The following EYS variants were observed in gnomAD, a reference collection of about 807,000 sequenced individuals.
The protein encoded by EYS is EGF-like photoreceptor maintenance factor.
In EYS, 250 loss-of-function variants were observed where a neutral mutation model predicts 282.1. That is an observed-to-expected ratio of 0.89 (90% CI 0.80 to 0.98). The LOEUF (loss-of-function observed/expected upper bound fraction) is 0.98. Ranked by LOEUF, EYS falls within the 50% of genes least tolerant of loss-of-function variation. The pLI, the probability that EYS is intolerant of heterozygous loss-of-function variation, is 0.00. For missense variants in EYS, 4,016 were observed against 3,709.0 expected, an observed-to-expected ratio of 1.08 and a Z score of -2.15; for synonymous variants, 1,355 against 1,282.9, an observed-to-expected ratio of 1.06 and a Z score of -1.20.
intron 22 of EYS, among the ~76,000 whole-genome samples, chr6:64,681,997 A>G (rs148770952): frequency 1.1e-3 from 164 of 152,308 alleles, no homozygotes; most frequent in African/African-American, 3.8e-3. Context: ...GGAACGTGAA[A>G]TGATAGAACA....
intron 2 of EYS, among the ~76,000 whole-genome samples, chr6:65,539,210 T>C (rs746007437): frequency 4.6e-5 from 7 of 152,236 alleles, no homozygotes; most frequent in African/African-American, 9.6e-5. Context: ...GGAGATTCAA[T>C]AATTTCCAAA....
chr6:63,729,118 A>G (rs1206027765), intron 41 of EYS, among the ~76,000 whole-genome samples: 1 of 152,146 alleles, frequency 6.6e-6, no homozygotes, highest in Non-Finnish European at 1.5e-5. Flanking sequence ...CCATCTGAAT[A>G]TCTTCTGTAG....
chr6:64,319,209 A>G (rs1770103602), intron 29 of EYS, among the ~76,000 whole-genome samples: 1 of 152,008 alleles, frequency 6.6e-6, no homozygotes, highest in Non-Finnish European at 1.5e-5. Context: ...TTTGGAATCA[A>G]TTAAGAAATA....
intron 22 of EYS, among the ~76,000 whole-genome samples, chr6:64,627,924 C>CA (rs976886095): frequency 7.2e-5 from 11 of 152,138 alleles, no homozygotes; most frequent in African/African-American, 2.6e-4. Flanking sequence ...CTAAAAAATA[C>CA]AAAAAATTAG....
chr6:64,066,250 A>G, intron 33 of EYS, 88 bp downstream of exon 33: 2 of 1,191,918 alleles, frequency 1.7e-6, no homozygotes, highest in Non-Finnish European at 2.4e-6. Context: ...TGCGCTCCAG[A>G]CTGGGTGACA....
chr6:64,459,056 C>G (rs1775658502), intron 26 of EYS, among the ~76,000 whole-genome samples: 1 of 152,140 alleles, frequency 6.6e-6, no homozygotes, highest in African/African-American at 2.4e-5. Flanking sequence ...AAACACTGCT[C>G]CACTTACCAG....
At chr6:63,937,043 A>C (rs1248789742) in intron 35 of EYS, among the ~76,000 whole-genome samples, 1 of 152,228 alleles carries the variant, frequency 6.6e-6, no homozygotes, top group Non-Finnish European at 1.5e-5. Flanking sequence ...TAGGAGAGAG[A>C]AACTCAATCC....
chr6:64,291,661 C>T (rs934517906), intron 30 of EYS, among the ~76,000 whole-genome samples: 1 of 152,034 alleles, frequency 6.6e-6, no homozygotes, highest in Non-Finnish European at 1.5e-5. Context: ...ATAAATCCAA[C>T]ATATAACAAA....
At chr6:64,905,536 C>T (rs1046840735) in intron 16 of EYS, among the ~76,000 whole-genome samples, 3 of 152,160 alleles carry the variant, frequency 2.0e-5, no homozygotes, top group South Asian at 2.1e-4. Flanking sequence ...AACAAATACA[C>T]ACGAATGGTC....
At chr6:64,525,773 T>A (rs890035957) in intron 26 of EYS, among the ~76,000 whole-genome samples, 6 of 151,860 alleles carry the variant, frequency 4.0e-5, no homozygotes, top group African/African-American at 1.4e-4. Flanking sequence ...CTGGTAGGCA[T>A]GTAAACAGGT....
At chr6:63,830,228 T>G (rs1273388617) in intron 36 of EYS, among the ~76,000 whole-genome samples, 1 of 152,174 alleles carries the variant, frequency 6.6e-6, no homozygotes, top group Non-Finnish European at 1.5e-5. Context: ...TTTGACAAGT[T>G]GAGAGAAGAA....
At chr6:65,680,681 T>A (rs1768782328) in intron 1 of EYS, among the ~76,000 whole-genome samples, 4 of 151,964 alleles carry the variant, frequency 2.6e-5, no homozygotes, top group African/African-American at 9.7e-5. Flanking sequence ...ATATGCTGAG[T>A]TCAATTTCAG....
In EYS at chr6:64,110,180, T is replaced by A. The variant is rs539848445; in HGVS notation, c.6425-28178A>T. Among the ~76,000 whole-genome samples, 323 of 152,060 alleles carry A rather than the reference T, an allele frequency of 2.1e-3. 2 individuals are homozygous for A. Among genetic ancestry groups the A allele is most frequent in the African/African-American group, 6.0e-3 (249 of 41,492 alleles). On this transcript the variant is annotated intron_variant, in intron 31 of 42. Transcript: ENST00000503581. The stretch of plus-strand genomic sequence containing the variant: ...ATAGAATCTAAAGAATCTTTTTTTT[T>A]AAAAAGTAAGCATGGAGGAAATTTA...
intron 26 of EYS, among the ~76,000 whole-genome samples, chr6:64,542,611 T>C (rs1764724671): frequency 6.6e-6 from 1 of 152,038 alleles, no homozygotes; most frequent in African/African-American, 2.4e-5. Flanking sequence ...ATTCCAAAAC[T>C]GAGATTAAAG....
At chr6:65,088,043 G>T (rs1410353595) in intron 12 of EYS, among the ~76,000 whole-genome samples, 2 of 152,124 alleles carry the variant, frequency 1.3e-5, no homozygotes, top group Non-Finnish European at 2.9e-5. Flanking sequence ...TGTGAAGAAG[G>T]CGTCTGCTTC....
chr6:65,495,808 C>G (rs936855144), intron 3 of EYS, 51 bp downstream of exon 3: 1 of 199,454 alleles, frequency 5.0e-6, no homozygotes, highest in Admixed American at 5.3e-5. Context: ...TATATAGTCA[C>G]CTGATTCTGA....
intron 2 of EYS, among the ~76,000 whole-genome samples, chr6:65,509,818 A>C (rs943931634): frequency 2.0e-5 from 3 of 152,116 alleles, no homozygotes; most frequent in African/African-American, 7.2e-5. Flanking sequence ...TTGTTTCCCC[A>C]CTGTAGACTC....
Position 65,476,220 on chromosome 6 carries a change from A to C in EYS, c.862+14374T>G, listed in dbSNP as rs1765400050. On this transcript the variant is annotated intron_variant, in intron 5 of 42. Coordinates refer to ENST00000503581, the MANE Select transcript of EYS (RefSeq NM_001142800.2). Reference sequence around the variant, plus strand: ...CATGACGCATGATATTTGTTTTATCAAACAGAATAAACTCTATTAAAGATG... The same window carrying C: ...CATGACGCATGATATTTGTTTTATCCAACAGAATAAACTCTATTAAAGATG... 2.0e-5 allele frequency among the ~76,000 whole-genome samples: 3 copies of C among 152,144 alleles called. No homozygotes were observed. The South Asian group carries it at 6.2e-4, about 32-fold the overall frequency.
chr6:64,651,901 T>C (rs1294541757), intron 22 of EYS, among the ~76,000 whole-genome samples: 3 of 152,216 alleles, frequency 2.0e-5, no homozygotes, highest in Non-Finnish European at 4.4e-5. Flanking sequence ...CTTTATCATA[T>C]TGCTTATCAA....
Sources: allele counts gnomAD v4.1 joint callset (sites outside exome capture counted in the v4.1 genomes callset), GRCh38; gene constraint gnomAD v4.1.1; transcripts MANE v1.5; gene names NCBI Gene and HGNC (gene_info 2026-07-23, HGNC 2026-07-21).